CEP72: variants seen among roughly 807,000 people sequenced by gnomAD.
CEP72 encodes the protein centrosomal protein 72.
A neutral mutation model predicts 65.7 loss-of-function variants in CEP72; 78 were observed. The observed-to-expected ratio is 1.19, with a 90% CI of 0.99 to 1.43. The LOEUF is 1.43. Among genes scored for constraint, CEP72 ranks in the 40% most tolerant of loss-of-function variants. The pLI is 0.00. For synonymous variants in CEP72, 358 were observed against 351.7 expected (o/e 1.02, Z -0.20); for missense variants, 914 against 832.9 (o/e 1.10, Z -1.20).
chr5:612,472 G>C, intron 1 of CEP72, 29 bp downstream of exon 1: 4 of 1,404,486 alleles, frequency 2.8e-6, no homozygotes, highest in Non-Finnish European at 3.7e-6. Context: ...GGGGGTGCAA[G>C]CGTGAGGTGG....
At chr5:656,247 C>A (rs767019335), downstream of CEP72, among the ~76,000 whole-genome samples, 9 of 152,302 alleles carry the variant, frequency 5.9e-5, no homozygotes, top group South Asian at 1.0e-3. Flanking sequence ...CTCTGGGGCG[C>A]GTACCTCCAT....
chr5:613,180 C>G (rs1190325242), intron 1 of CEP72, among the ~76,000 whole-genome samples: 1 of 152,114 alleles, frequency 6.6e-6, no homozygotes, highest in East Asian at 1.9e-4. Context: ...TTCTGGTGTT[C>G]TGTTGTTAGC....
At chr5:670,901 G>T (rs532577800), downstream of CEP72, among the ~76,000 whole-genome samples, 1 of 152,316 alleles carries the variant, frequency 6.6e-6, no homozygotes, top group East Asian at 1.9e-4. Flanking sequence ...CTGGCCACCT[G>T]AGAGGGCTTC....
At chr5:648,211 A>G (rs143819753) in intron 11 of CEP72, among the ~76,000 whole-genome samples, 50 of 150,054 alleles carry the variant, frequency 3.3e-4, no homozygotes, top group African/African-American at 1.2e-3. Flanking sequence ...GGACTGTGAG[A>G]TGGGACTGTG....
intron 4 of CEP72, among the ~76,000 whole-genome samples, chr5:629,128 G>A (rs962382698): frequency 2.0e-5 from 3 of 152,250 alleles, no homozygotes; most frequent in Admixed American, 6.5e-5. Context: ...GTTTTGTGTA[G>A]ATATCTCTTA....
At chr5:628,557 CCGGGGAG>C (rs1736936246) in intron 4 of CEP72, among the ~76,000 whole-genome samples, 1 of 146,402 alleles carries the variant, frequency 6.8e-6, no homozygotes, top group African/African-American at 2.5e-5. Flanking sequence ...GTTGCAGTCC[CCGGGGAG>C]TGTTCCCAGG....
At chr5:670,991 G>C (rs1032469118), downstream of CEP72, among the ~76,000 whole-genome samples, 1 of 152,194 alleles carries the variant, frequency 6.6e-6, no homozygotes, top group Non-Finnish European at 1.5e-5. Flanking sequence ...ACTGGGCCAC[G>C]GCAGCTCAGG....
At chr5:670,296 C>T (rs550442360), downstream of CEP72, among the ~76,000 whole-genome samples, 9 of 152,216 alleles carry the variant, frequency 5.9e-5, no homozygotes, top group African/African-American at 1.9e-4. Context: ...GGGCGGGGGC[C>T]GGCGGGCGAG....
At chr5:676,202 C>T in the CEP72 span, 60 of 152,412 alleles carry the variant, frequency 3.9e-4, no homozygotes, top group African/African-American at 1.3e-3. Context: ...CAAATGCCCT[C>T]GGATGCACTC....
chr5:637,297 C>A (rs1287257569), intron 6 of CEP72, among the ~76,000 whole-genome samples: 2 of 152,204 alleles, frequency 1.3e-5, no homozygotes, highest in Non-Finnish European at 2.9e-5. Flanking sequence ...CCCCAGTATG[C>A]CCCTTTCTTC....
intron 11 of CEP72, among the ~76,000 whole-genome samples, chr5:651,800 G>A (rs1739116166): frequency 6.6e-6 from 1 of 151,958 alleles, no homozygotes; most frequent in Admixed American, 6.6e-5. Flanking sequence ...AGGCTGGTCT[G>A]TGGTCAGTTC....
chr5:665,321 G>C (rs769452662), exon 3 of CEP72: 8 of 1,600,896 alleles, frequency 5.0e-6, no homozygotes, highest in Non-Finnish European at 6.8e-6. Flanking sequence ...GGAGGAAGGG[G>C]GCAGGTGAGT....
chr5:649,177 G>A (rs1738713626), intron 11 of CEP72, among the ~76,000 whole-genome samples: 1 of 142,474 alleles, frequency 7.0e-6, no homozygotes, highest in Non-Finnish European at 1.5e-5. Context: ...GGTGTGGACT[G>A]TGAGGTGTGA....
rs538591772 is a variant in CEP72, at chr5:645,439, C to T, written c.1666+1014C>T. ...TTGAATAACCGTGTCCATTCAACAT[C>T]ATTTCGTCGTAAAGGTGATGAGAAA... On this transcript the variant is annotated intron_variant, in intron 10 of 11. Transcript: ENST00000264935. The surrounding 1 kb of genome is among the most constrained non-coding windows in gnomAD (Gnocchi z 4.0). Among the ~76,000 whole-genome samples the T allele has an allele frequency of 1.9e-4, 28 of 150,862 alleles. No homozygotes were observed. The highest frequency in any genetic ancestry group is 6.3e-4 in the African/African-American group (26 of 41,106).
At chr5:626,049 AG>A (rs11325513) in intron 4 of CEP72, among the ~76,000 whole-genome samples, 123,681 of 147,764 alleles carry the variant, frequency 0.84, 50,953 homozygotes, top group Non-Finnish European at 0.86. Context: ...GGTGGGGGGC[AG>A]GGGGGGGCGG....
chr5:643,344 T>C lies in CEP72; in HGVS notation c.1540-955T>C, dbSNP rs1156358700. On this transcript the variant is annotated intron_variant, in intron 9 of 11. Transcript: ENST00000264935. Reference sequence around the variant, plus strand: ...AAAGCCCCGCGCGGAGGGCAGGTCATGCTGGTTGGCGCCACTGCAGCAGAC... The same window carrying C: ...AAAGCCCCGCGCGGAGGGCAGGTCACGCTGGTTGGCGCCACTGCAGCAGAC... 15 of 985,318 alleles carry C rather than the reference T, an allele frequency of 1.5e-5. No homozygotes were observed. The Admixed American group carries it at 9.2e-4, about 61-fold the overall frequency. 61.0% of individuals were successfully genotyped at this position (985,318 alleles called of 1,614,324 possible). A position where few individuals can be genotyped will look rare whatever the true frequency, so the allele number is the denominator to read the frequency against.
chr5:646,738 C>T (rs1738451536), intron 10 of CEP72, among the ~76,000 whole-genome samples: 1 of 152,244 alleles, frequency 6.6e-6, no homozygotes, highest in Non-Finnish European at 1.5e-5. Flanking sequence ...CCTGATTGGC[C>T]CACTGGGTTT....
In CEP72 at chr5:637,796, G is replaced by C. The variant is rs375668537; in HGVS notation, c.1184G>C (p.Arg395Pro). 3.2e-5 allele frequency: 51 copies of C among 1,583,908 alleles called. No individual in the cohort carries two copies. Among genetic ancestry groups the C allele is most frequent in the Non-Finnish European group, 4.2e-5 (49 of 1,163,316 alleles). The change falls in exon 7 of 12, where the codon CGG becomes CCG. Residue 395 changes from arginine (R) to proline (P), a missense_variant. By Grantham distance (103) the Arg-to-Pro change is moderately radical. Coordinates refer to ENST00000264935, the MANE Select transcript of CEP72 (RefSeq NM_018140.4). ...EASETEEQRS[R>P]GVTDTREPSP... ...TCGGAGACTGAGGAGCAGAGGTCTC[G>C]GGGTGTGACCGACACCAGAGAGGTG...
In CEP72 at chr5:647,795, TCTC is replaced by T. The variant is rs1481559717; in HGVS notation, c.1667-9_1667-7del. The T allele has an allele frequency of 6.3e-7, 1 of 1,588,604 alleles. No individual in the cohort carries two copies. The highest frequency in any genetic ancestry group is 1.8e-5 in the Admixed American group (1 of 55,682). ...CATTAATGGTACTTTTTTTTTTCTTTCTCTTTCAGGACTTCAAACAAGTGTGAA... is the reference window on the plus strand; with the variant it reads ...CATTAATGGTACTTTTTTTTTTCTTTTTTCAGGACTTCAAACAAGTGTGAA... On this transcript the variant is annotated splice_polypyrimidine_tract_variant and splice_region_variant and intron_variant, in intron 10 of 11. Coordinates refer to ENST00000264935, the MANE Select transcript of CEP72 (RefSeq NM_018140.4).
Sources: gnomAD v4.1 joint callset for allele counts (sites outside exome capture counted in the v4.1 genomes callset) on GRCh38, gnomAD v4.1.1 for gene constraint, Gnocchi (gnomAD v3.1) non-coding constraint, MANE v1.5 for transcripts, NCBI Gene and HGNC (gene_info 2026-07-23, HGNC 2026-07-21) for gene names.